The following PHF11 variants were observed in gnomAD, a reference collection of about 807,000 sequenced individuals.
PHF11 encodes the protein BRCA1 C-terminus-associated protein.
PHF11 carries 38 observed loss-of-function variants against 40.5 expected under a neutral mutation model. The observed-to-expected ratio is 0.94, with a 90% CI of 0.72 to 1.23. The LOEUF is 1.23. Ranked by LOEUF, PHF11 falls within the 50% of genes most tolerant of loss-of-function variation. PHF11 has a pLI of 0.00. For missense variants in PHF11, 369 were observed against 392.4 expected (o/e 0.94, Z 0.50); for synonymous variants, 127 against 138.2 (o/e 0.92, Z 0.57).
intron 2 of PHF11, among the ~76,000 whole-genome samples, chr13:49,512,018 AAT>A (rs1959088293): frequency 6.6e-6 from 1 of 152,240 alleles, no homozygotes; most frequent in Non-Finnish European, 1.5e-5. Context: ...CATTTCTACC[AAT>A]AATATGTAAG....
chr13:49,521,065 C>T lies in PHF11; in HGVS notation c.505+125C>T, dbSNP rs977240772. ...CAAATGTTTGAGTTAAAATTTTACA[C>T]ATCTAGAAAATTGACAACTTCTTTG... On this transcript the variant is annotated intron_variant, in intron 5 of 9. Coordinates refer to ENST00000378319, the MANE Select transcript of PHF11 (RefSeq NM_001040443.3). The T allele has an allele frequency of 8.6e-6, 12 of 1,388,770 alleles. No homozygotes were observed. In the Middle Eastern group the frequency reaches 1.2e-3, roughly 134 times the overall value. The allele number at this position is 1,388,770 out of a possible 1,614,324, so 86.0% of individuals were successfully genotyped here.
In PHF11 at chr13:49,522,104, A is replaced by G. The variant is rs1479251244; in HGVS notation, c.567A>G (p.Val189=). 1 of 1,526,178 alleles carries G rather than the reference A, an allele frequency of 6.6e-7. No homozygotes were observed. The highest frequency in any genetic ancestry group is 9.1e-7 in the Non-Finnish European group (1 of 1,102,752). 94.5% of individuals were successfully genotyped at this position (1,526,178 alleles called of 1,614,324 possible). The change falls in exon 6 of 10, where the codon GTA becomes GTG. Residue 189 remains valine (V), a synonymous_variant. Coordinates refer to ENST00000378319, the MANE Select transcript of PHF11 (RefSeq NM_001040443.3). ...AGAAACCCCTCTCAGGCAATCATGTACAGGTAATTTGACTTAGTTTTTATA... is the reference window on the plus strand; with the variant it reads ...AGAAACCCCTCTCAGGCAATCATGTGCAGGTAATTTGACTTAGTTTTTATA... ...GRKKPLSGNH[V]QPPETMKCNT...
In PHF11 at chr13:49,528,882, A is replaced by G. The variant is rs1046014602; in HGVS notation, c.*217A>G. The G allele has an allele frequency of 3.0e-5, 13 of 434,710 alleles. No homozygotes were observed. Among genetic ancestry groups the G allele is most frequent in the Non-Finnish European group, 4.9e-5 (12 of 245,880 alleles). The allele number at this position is 434,710 out of a possible 1,614,324, so 26.9% of individuals were successfully genotyped here. On this transcript the variant is annotated 3_prime_UTR_variant, in exon 10 of 10. Coordinates refer to ENST00000378319, the MANE Select transcript of PHF11 (RefSeq NM_001040443.3). ...TCCCAGCACCTAGTATGCTCAGTAAATGTTTGTGGAATAAGTGCATAAAAT... is the reference window on the plus strand; with the variant it reads ...TCCCAGCACCTAGTATGCTCAGTAAGTGTTTGTGGAATAAGTGCATAAAAT...
At position 49,521,822 on chromosome 13, in the gene PHF11, T is replaced by A. The variant is rs540268556; in HGVS notation, c.506-221T>A. ...CCCTCTCCCCAGAGAGTTCCCCATG[T>A]GCCAATTTTTCTACTCAATTATTTA... is the stretch of plus-strand genomic sequence containing the variant. On this transcript the variant is annotated intron_variant, in intron 5 of 9. Coordinates refer to ENST00000378319, the MANE Select transcript of PHF11 (RefSeq NM_001040443.3). The A allele has an allele frequency of 2.8e-4, 89 of 313,248 alleles. 3 individuals are homozygous for A. Among genetic ancestry groups the A allele is most frequent in the Admixed American group, 1.1e-3 (22 of 19,342 alleles). The allele number at this position is 313,248 out of a possible 1,614,324, so 19.4% of individuals were successfully genotyped here.
At chr13:49,511,669 A>G (rs1315109497) in intron 2 of PHF11, among the ~76,000 whole-genome samples, 1 of 152,188 alleles carries the variant, frequency 6.6e-6, no homozygotes, top group African/African-American at 2.4e-5. Flanking sequence ...ACTTGGGGTT[A>G]GGCATATTCT....
At chr13:49,513,454 C>G (rs1431682116) in intron 3 of PHF11, among the ~76,000 whole-genome samples, 5 of 151,910 alleles carry the variant, frequency 3.3e-5, no homozygotes, top group African/African-American at 1.2e-4. Context: ...CCTCAGCCTC[C>G]CGAGTAGCTA....
intron 1 of PHF11, chr13:49,497,072 A>C: frequency 1.6e-6 from 2 of 1,274,314 alleles, no homozygotes; most frequent in Non-Finnish European, 2.0e-6. Context: ...ACTCAGCCAA[A>C]GGTGGAAAAG....
chr13:49,510,760 C>T (rs1258971073), intron 2 of PHF11, among the ~76,000 whole-genome samples: 6 of 152,282 alleles, frequency 3.9e-5, no homozygotes, highest in South Asian at 2.1e-4. Flanking sequence ...CGTGAGCTAC[C>T]GCTCCCAGCC....
intron 1 of PHF11, among the ~76,000 whole-genome samples, chr13:49,497,393 C>T (rs549592149): frequency 3.3e-5 from 5 of 152,216 alleles, no homozygotes. Context: ...CCATTCCATT[C>T]GCCCAGGTGC....
intron 1 of PHF11, among the ~76,000 whole-genome samples, chr13:49,499,434 A>T (rs913456197): frequency 1.3e-5 from 2 of 152,212 alleles, no homozygotes; most frequent in African/African-American, 4.8e-5. Context: ...TAACACACAC[A>T]TCCTTATTCC....
intron 2 of PHF11, among the ~76,000 whole-genome samples, chr13:49,510,046 C>T (rs1461948523): frequency 1.3e-5 from 2 of 151,836 alleles, no homozygotes. Context: ...TTTTTTGAGA[C>T]AAGGTCTCAC....
chr13:49,509,525 TCTA>T (rs1393374350), intron 2 of PHF11, among the ~76,000 whole-genome samples: 2 of 152,134 alleles, frequency 1.3e-5, no homozygotes, highest in Non-Finnish European at 2.9e-5. Flanking sequence ...GTATGTATTT[TCTA>T]CAAATAAGGT....
intron 1 of PHF11, chr13:49,496,489 C>T: frequency 1.4e-5 from 14 of 996,160 alleles, no homozygotes; most frequent in African/African-American, 1.7e-5. Context: ...TGCGGTGAGG[C>T]AGGGGGCGGC....
At chr13:49,524,934 C>CT (rs1404345206) in intron 8 of PHF11, among the ~76,000 whole-genome samples, 5 of 152,156 alleles carry the variant, frequency 3.3e-5, no homozygotes, top group Non-Finnish European at 5.9e-5. Context: ...AGGTTGGCCA[C>CT]TAAGAGAATG....
chr13:49,512,281 T>C lies in PHF11; in HGVS notation c.217-778T>C, dbSNP rs534057712. 4.1e-4 allele frequency among the ~76,000 whole-genome samples: 63 copies of C among 152,382 alleles called. 1 individual carries two copies. Among genetic ancestry groups the C allele is most frequent in the Non-Finnish European group, 2.9e-5 (2 of 68,042 alleles). ...TTTCTAAAATCTGGATACAAGTCTT[T>C]TGTCAGAGATATGTATTGTGAATAT... On this transcript the variant is annotated intron_variant, in intron 2 of 9. Transcript: ENST00000378319.
chr13:49,503,089 C>G (rs1958932301), intron 1 of PHF11, among the ~76,000 whole-genome samples: 1 of 152,208 alleles, frequency 6.6e-6, no homozygotes, highest in Admixed American at 6.5e-5. Context: ...TCCTTGGCAG[C>G]CTTTCAACAC....
At chr13:49,503,484 C>T (rs191750818) in intron 1 of PHF11, among the ~76,000 whole-genome samples, 39 of 152,324 alleles carry the variant, frequency 2.6e-4, no homozygotes, top group African/African-American at 9.1e-4. Context: ...CATTTCTTTA[C>T]GTCCTCTGCT....
chr13:49,521,179 C>A, intron 5 of PHF11: 1 of 1,157,054 alleles, frequency 8.6e-7, no homozygotes, highest in Non-Finnish European at 1.1e-6. Context: ...TTTCATTCTC[C>A]CTACGCTCAC....
chr13:49,498,635 A>G (rs1405769475), intron 1 of PHF11, among the ~76,000 whole-genome samples: 1 of 152,234 alleles, frequency 6.6e-6, no homozygotes, highest in Non-Finnish European at 1.5e-5. Flanking sequence ...CAGGTAGATC[A>G]TTCTGACAGT....
Sources: allele counts gnomAD v4.1 joint callset (sites outside exome capture counted in the v4.1 genomes callset), GRCh38; gene constraint gnomAD v4.1.1; transcripts MANE v1.5; gene names NCBI Gene and HGNC (gene_info 2026-07-23, HGNC 2026-07-21).